TANGO6: variants seen among roughly 807,000 people sequenced by gnomAD.
The protein encoded by TANGO6 is transport and Golgi organization protein 6 homolog.
Under a neutral mutation model 114.2 loss-of-function variants are expected in TANGO6, and 90 were observed. That is an observed-to-expected ratio of 0.79 (90% CI 0.66 to 0.94). The LOEUF (loss-of-function observed/expected upper bound fraction) is 0.94, where lower values mean the gene tolerates loss of function less well. Ranked by LOEUF, TANGO6 falls within the 40% of genes least tolerant of loss-of-function variation. The probability of loss-of-function intolerance (pLI) is 0.00; values close to 1 mark genes in which losing one functional copy is unlikely to be tolerated. For synonymous variants in TANGO6, 477 were observed against 509.8 expected, an observed-to-expected ratio of 0.94 and a Z score of 0.87; for missense variants, 1,274 against 1,315.3, an observed-to-expected ratio of 0.97 and a Z score of 0.49.
At chr16:68,961,442 G>T (rs978049850) in intron 14 of TANGO6, among the ~76,000 whole-genome samples, 5 of 152,188 alleles carry the variant, frequency 3.3e-5, no homozygotes, top group African/African-American at 7.2e-5. Flanking sequence ...AGGAATTACA[G>T]TGGTATCCAC....
chr16:68,925,858 GA>G (rs1963159728), intron 12 of TANGO6, among the ~76,000 whole-genome samples: 1 of 71,144 alleles, frequency 1.4e-5, no homozygotes, highest in African/African-American at 1.5e-4. Flanking sequence ...ACCATTTGTT[GA>G]AAAAACTGTC....
chr16:68,864,581 T>TA (rs144983321), intron 3 of TANGO6, among the ~76,000 whole-genome samples: 293 of 146,788 alleles, frequency 2.0e-3, no homozygotes, highest in South Asian at 0.018. Context: ...ATCTTGTCTT[T>TA]AAAAAAAAAA....
intron 1 of TANGO6, among the ~76,000 whole-genome samples, chr16:68,851,832 A>T (rs1473818098): frequency 2.6e-5 from 4 of 152,206 alleles, no homozygotes; most frequent in Admixed American, 1.3e-4. Flanking sequence ...AGAATGTGTT[A>T]TAAAACTTTT....
At chr16:68,904,164 T>A (rs114244219) in intron 9 of TANGO6, among the ~76,000 whole-genome samples, 2,677 of 152,272 alleles carry the variant, frequency 0.018, 85 homozygotes, top group African/African-American at 0.06. Context: ...TGGAGTGCAA[T>A]GGCATGATCT....
chr16:68,964,308 A>T (rs1358074725), intron 14 of TANGO6, among the ~76,000 whole-genome samples: 4 of 151,876 alleles, frequency 2.6e-5, no homozygotes, highest in Admixed American at 6.6e-5. Flanking sequence ...AGTAAAAAAA[A>T]TTTTTAACTT....
chr16:69,030,170 C>T (rs972796630), intron 16 of TANGO6, among the ~76,000 whole-genome samples: 1 of 151,562 alleles, frequency 6.6e-6, no homozygotes, highest in Non-Finnish European at 1.5e-5. Context: ...TTCAGCTGTC[C>T]CCAGCCATAT....
intron 1 of TANGO6, among the ~76,000 whole-genome samples, chr16:68,848,129 T>G (rs531457477): frequency 5.6e-4 from 85 of 152,168 alleles, no homozygotes; most frequent in African/African-American, 2.0e-3. Flanking sequence ...AGGGTCTCCC[T>G]GTGTTGCCCA....
intron 14 of TANGO6, among the ~76,000 whole-genome samples, chr16:68,930,631 C>G (rs1350056785): frequency 6.7e-6 from 1 of 148,232 alleles, no homozygotes; most frequent in Non-Finnish European, 1.5e-5. Context: ...TAGTCGGCTA[C>G]TGTCTTTTTT....
Position 69,083,646 on chromosome 16 carries a change from C to CATGG in TANGO6, c.3271_3274dup (p.Val1092AspfsTer42), listed in dbSNP as rs1960499104. On this transcript the variant is annotated frameshift_variant, in exon 18 of 18. Transcript: ENST00000261778. LOFTEE classifies it high-confidence loss of function. ...CTCCACAGAAGCTGGAGAAGAAGAT[C>CATGG]ATGGTCCTGCCGTAGACCTGGCTCC... 4 of 1,561,132 alleles carry CATGG rather than the reference C, an allele frequency of 2.6e-6. No individual in the cohort carries two copies. The South Asian group carries it at 4.7e-5, about 18-fold the overall frequency.
chr16:68,980,461 G>A (rs1285456427), intron 15 of TANGO6, among the ~76,000 whole-genome samples: 1 of 117,078 alleles, frequency 8.5e-6, no homozygotes, highest in Non-Finnish European at 1.7e-5. Flanking sequence ...TTGAGATAGG[G>A]TCTTGCTATG....
chr16:68,924,082 T>A (rs1199871612), intron 12 of TANGO6, among the ~76,000 whole-genome samples: 1 of 152,204 alleles, frequency 6.6e-6, no homozygotes, highest in African/African-American at 2.4e-5. Context: ...TGTATGCAGG[T>A]GATCAAACTG....
intron 17 of TANGO6, among the ~76,000 whole-genome samples, chr16:69,082,389 C>G (rs973816005): frequency 6.6e-6 from 1 of 152,090 alleles, no homozygotes; most frequent in Non-Finnish European, 1.5e-5. Context: ...CAGGCATGAG[C>G]CACCGCACCG....
rs192259127 is a variant in TANGO6 at position 68,873,774 on chromosome 16, T to G, written c.995-1380T>G. On this transcript the variant is annotated intron_variant, in intron 4 of 17. Transcript: ENST00000261778. ...GCTGAGTGCCAGATTTTTATATTCC[T>G]TAGTTGGACTTTGTTCTGGAATGCA... Among the ~76,000 whole-genome samples the G allele has an allele frequency of 2.4e-4, 36 of 152,340 alleles. No homozygotes were observed. The East Asian group carries it at 6.7e-3, about 29-fold the overall frequency.
chr16:69,065,025 C>G (rs990496011), intron 17 of TANGO6, among the ~76,000 whole-genome samples: 1 of 152,218 alleles, frequency 6.6e-6, no homozygotes, highest in Non-Finnish European at 1.5e-5. Context: ...CAGGACAACA[C>G]TCCCAATCTC....
chr16:69,013,480 G>A (rs1016451663), intron 15 of TANGO6, among the ~76,000 whole-genome samples: 1 of 151,862 alleles, frequency 6.6e-6, no homozygotes, highest in African/African-American at 2.4e-5. Flanking sequence ...AGCTGGGCGT[G>A]GTGGCATGCG....
At chr16:69,022,569 T>G (rs1321366377) in intron 15 of TANGO6, among the ~76,000 whole-genome samples, 1 of 151,988 alleles carries the variant, frequency 6.6e-6, no homozygotes, top group Non-Finnish European at 1.5e-5. Flanking sequence ...CCGGGCATGG[T>G]GGCATGCACC....
At chr16:68,875,988 C>T (rs1053289430) in intron 5 of TANGO6, among the ~76,000 whole-genome samples, 1 of 152,140 alleles carries the variant, frequency 6.6e-6, no homozygotes, top group African/African-American at 2.4e-5. Flanking sequence ...AGTCTCCCTA[C>T]CATTCCTGTT....
At chr16:68,903,615 CAAAA>C (rs1175415785) in intron 9 of TANGO6, among the ~76,000 whole-genome samples, 1 of 59,250 alleles carries the variant, frequency 1.7e-5, no homozygotes, top group African/African-American at 6.3e-5. Context: ...GAGACCATCT[CAAAA>C]AAAAAAAAAA....
chr16:69,021,272 GCTC>G (rs1179991177), intron 15 of TANGO6, among the ~76,000 whole-genome samples: 1 of 151,994 alleles, frequency 6.6e-6, no homozygotes, highest in Admixed American at 6.6e-5. Flanking sequence ...TGCCAGGCGT[GCTC>G]CTCTACAGGT....
Sources: allele counts gnomAD v4.1 joint callset (sites outside exome capture counted in the v4.1 genomes callset), GRCh38; gene constraint gnomAD v4.1.1; transcripts MANE v1.5; gene names NCBI Gene and HGNC (gene_info 2026-07-23, HGNC 2026-07-21).